NBEA: variants seen among roughly 807,000 people sequenced by gnomAD.
The protein encoded by NBEA is neurobeachin.
In NBEA, 44 loss-of-function variants were observed where a neutral mutation model predicts 343.4. That is an observed-to-expected ratio of 0.13 (90% CI 0.10 to 0.16). The LOEUF (loss-of-function observed/expected upper bound fraction) is 0.16. Among genes scored for constraint, NBEA ranks in the 10% least tolerant of loss-of-function variants. The pLI is 1.00. For synonymous variants in NBEA, 1,175 were observed against 1,238.7 expected (o/e 0.95, Z 1.08); for missense variants, 2,555 against 3,631.3 (o/e 0.70, Z 7.62).
chr13:35,475,554 C>A, intron 41 of NBEA: 1 of 1,613,322 alleles, frequency 6.2e-7, no homozygotes, highest in Non-Finnish European at 8.5e-7. Flanking sequence ...GGTTGGGTCC[C>A]GGCCAGGGGA....
intron 45 of NBEA, among the ~76,000 whole-genome samples, chr13:35,578,977 A>G (rs1180883418): frequency 6.6e-6 from 1 of 151,690 alleles, no homozygotes; most frequent in African/African-American, 2.4e-5. Flanking sequence ...AGTTTGTGTT[A>G]AGTACGTATG....
At chr13:35,038,769 CCTCTT>C (rs2062541775) in intron 1 of NBEA, among the ~76,000 whole-genome samples, 1 of 152,104 alleles carries the variant, frequency 6.6e-6, no homozygotes, top group African/African-American at 2.4e-5. Context: ...TCTTCCCTCT[CCTCTT>C]CTCAAGTAGA....
chr13:35,612,201 C>T (rs554625706), intron 48 of NBEA, among the ~76,000 whole-genome samples: 58 of 151,598 alleles, frequency 3.8e-4, no homozygotes, highest in Admixed American at 7.2e-4. Context: ...GGCACCATCT[C>T]GGCTCACTAC....
chr13:35,480,299 A>T (rs924961497), intron 41 of NBEA, among the ~76,000 whole-genome samples: 3 of 152,128 alleles, frequency 2.0e-5, no homozygotes, highest in Non-Finnish European at 2.9e-5. Flanking sequence ...TATTAAGCTT[A>T]AAGAAAAACC....
intron 1 of NBEA, among the ~76,000 whole-genome samples, chr13:34,998,204 G>C (rs961276814): frequency 6.6e-6 from 1 of 152,120 alleles, no homozygotes; most frequent in African/African-American, 2.4e-5. Flanking sequence ...ATTTTCAAAA[G>C]GGGAGGGAGT....
intron 17 of NBEA, 40 bp from the exon 18 acceptor site, chr13:35,142,229 A>G (rs766441659): frequency 3.6e-5 from 46 of 1,290,616 alleles, no homozygotes; most frequent in Non-Finnish European, 3.0e-5. Flanking sequence ...GGAGAATCCA[A>G]TGTGTTTCAT....
chr13:35,601,949 A>G (rs1299196779), intron 47 of NBEA, among the ~76,000 whole-genome samples: 1 of 152,134 alleles, frequency 6.6e-6, no homozygotes, highest in Non-Finnish European at 1.5e-5. Flanking sequence ...CTCAGTGTTC[A>G]TGTCTATAAA....
At chr13:35,381,292 T>A (rs973712971) in intron 38 of NBEA, among the ~76,000 whole-genome samples, 2 of 152,222 alleles carry the variant, frequency 1.3e-5, no homozygotes, top group African/African-American at 4.8e-5. Flanking sequence ...AAACAACTAT[T>A]CTGTAATATG....
intron 11 of NBEA, among the ~76,000 whole-genome samples, chr13:35,104,365 T>A (rs762718873): frequency 6.6e-6 from 1 of 151,968 alleles, no homozygotes; most frequent in Non-Finnish European, 1.5e-5. Context: ...TCTGCCTCCT[T>A]CTGCTAGAAT....
At chr13:35,308,655 A>G (rs1273734730) in intron 35 of NBEA, among the ~76,000 whole-genome samples, 1 of 143,360 alleles carries the variant, frequency 7.0e-6, no homozygotes, top group African/African-American at 2.6e-5. Context: ...TGTATTTAAA[A>G]CCCCATATAT....
At chr13:35,360,143 T>C (rs559350213) in intron 38 of NBEA, among the ~76,000 whole-genome samples, 1 of 152,124 alleles carries the variant, frequency 6.6e-6, no homozygotes, top group South Asian at 2.1e-4. Context: ...CTAAAGCTTG[T>C]AGTCATTTCA....
At chr13:35,445,190 C>T (rs1205466428) in intron 39 of NBEA, among the ~76,000 whole-genome samples, 1 of 152,060 alleles carries the variant, frequency 6.6e-6, no homozygotes, top group African/African-American at 2.4e-5. Flanking sequence ...TCAGATAAGC[C>T]AGCTTTTTTT....
chr13:35,082,507 T>G (rs1438963625), intron 10 of NBEA, among the ~76,000 whole-genome samples: 2 of 152,218 alleles, frequency 1.3e-5, no homozygotes, highest in Admixed American at 1.3e-4. Context: ...ACTTCCACAA[T>G]GGTTGAACTA....
chr13:35,410,931 G>A (rs2043547054), intron 38 of NBEA, among the ~76,000 whole-genome samples: 2 of 152,084 alleles, frequency 1.3e-5, no homozygotes, highest in Admixed American at 1.3e-4. Context: ...TAAAGCTTTA[G>A]CGGACTTTCT....
intron 6 of NBEA, among the ~76,000 whole-genome samples, chr13:35,050,818 G>A (rs2063040227): frequency 6.6e-6 from 1 of 151,860 alleles, no homozygotes; most frequent in Admixed American, 6.6e-5. Context: ...TCTGAATATT[G>A]TTTCCTGAGA....
In NBEA at chr13:35,100,226, C is replaced by T. The variant is rs112189281; in HGVS notation, c.1680+1821C>T. On this transcript the variant is annotated intron_variant, in intron 11 of 58. Transcript: ENST00000379939. ...AAAATATGCTATATTTTATATATTA[C>T]ATGTCTTTATACATATTGTGTATAT... Among the ~76,000 whole-genome samples the T allele has an allele frequency of 1.2e-3, 179 of 152,072 alleles. 1 individual carries two copies. The highest frequency in any genetic ancestry group is 4.0e-3 in the African/African-American group (167 of 41,558).
intron 38 of NBEA, among the ~76,000 whole-genome samples, chr13:35,363,727 G>A (rs746292619): frequency 4.6e-5 from 7 of 151,874 alleles, no homozygotes; most frequent in South Asian, 4.1e-4. Context: ...TATCCGATTC[G>A]AAGGTACTAT....
chr13:35,629,163 G>A (rs1351161541), intron 49 of NBEA, among the ~76,000 whole-genome samples: 1 of 152,122 alleles, frequency 6.6e-6, no homozygotes, highest in African/African-American at 2.4e-5. Context: ...CAGATAAGTG[G>A]AAAGAGTGAA....
chr13:35,572,860 A>G (rs2080507034), intron 45 of NBEA, among the ~76,000 whole-genome samples: 4 of 152,000 alleles, frequency 2.6e-5, no homozygotes, highest in Admixed American at 2.0e-4. Flanking sequence ...TTTCTTTTTC[A>G]CTGTAAGTTA....
Sources: allele counts gnomAD v4.1 joint callset (sites outside exome capture counted in the v4.1 genomes callset), GRCh38; gene constraint gnomAD v4.1.1; transcripts MANE v1.5; gene names NCBI Gene and HGNC (gene_info 2026-07-23, HGNC 2026-07-21).